PDE10A: variants seen among roughly 807,000 people sequenced by gnomAD.
PDE10A encodes the protein phosphodiesterase 10A, also known as cAMP and cAMP-inhibited cGMP 3',5'-cyclic phosphodiesterase 10A.
Under a neutral mutation model 97.7 loss-of-function variants are expected in PDE10A, and 39 were observed. The observed-to-expected ratio is 0.40, with a 90% CI of 0.31 to 0.52. The LOEUF (loss-of-function observed/expected upper bound fraction) is 0.52, where lower values mean the gene tolerates loss of function less well. Among genes scored for constraint, PDE10A ranks in the 20% least tolerant of loss-of-function variants. The pLI is 0.56. For missense variants in PDE10A, 731 were observed against 1,047.8 expected, an observed-to-expected ratio of 0.70 and a Z score of 4.17; for synonymous variants, 371 against 376.8, an observed-to-expected ratio of 0.98 and a Z score of 0.18.
chr6:165,427,483 G>A (rs747628403), intron 10 of PDE10A, among the ~76,000 whole-genome samples: 3 of 152,032 alleles, frequency 2.0e-5, no homozygotes, highest in South Asian at 2.1e-4. Flanking sequence ...AAATAGGGGC[G>A]TAAGGAAGTG....
At chr6:165,435,530 A>G (rs1789948656) in intron 5 of PDE10A, among the ~76,000 whole-genome samples, 153 bp from the exon 6 acceptor site, 1 of 152,240 alleles carries the variant, frequency 6.6e-6, no homozygotes, top group Non-Finnish European at 1.5e-5. Context: ...ATCAAACCAG[A>G]TTACCTAAAG....
intron 1 of PDE10A, among the ~76,000 whole-genome samples, chr6:165,598,487 T>C (rs1214552796): frequency 6.6e-6 from 1 of 152,018 alleles, no homozygotes; most frequent in Non-Finnish European, 1.5e-5. Context: ...AAAATGGGAG[T>C]TCATACCTTC....
chr6:165,943,149 G>A (rs779493951), intron 1 of PDE10A, among the ~76,000 whole-genome samples: 4 of 135,080 alleles, frequency 3.0e-5, no homozygotes, highest in Non-Finnish European at 6.2e-5. Flanking sequence ...AGAGGAGAGA[G>A]AGAGAGAGAG....
At position 165,535,145 on chromosome 6, in the gene PDE10A, G is replaced by A. The variant is rs184919265; in HGVS notation, c.994+8295C>T. Among the ~76,000 whole-genome samples the A allele has an allele frequency of 2.6e-3, 387 of 151,722 alleles. 1 individual carries two copies. The highest frequency in any genetic ancestry group is 3.7e-3 in the Non-Finnish European group (254 of 67,764). The stretch of plus-strand genomic sequence containing the variant: ...ATAATCTGTAGCATTTCTATATGTC[G>A]AAAGCAAACAATCTAAAAATGAAAT... On this transcript the variant is annotated intron_variant, in intron 2 of 21. Transcript: ENST00000539869.
chr6:165,675,153 C>T (rs1790759347), intron 1 of PDE10A, among the ~76,000 whole-genome samples: 1 of 152,202 alleles, frequency 6.6e-6, no homozygotes, highest in Admixed American at 6.5e-5. Flanking sequence ...AGTCTGGCTA[C>T]ATTTACAATG....
At chr6:165,872,064 T>C (rs1366406712) in intron 1 of PDE10A, among the ~76,000 whole-genome samples, 4 of 152,142 alleles carry the variant, frequency 2.6e-5, no homozygotes, top group Non-Finnish European at 4.4e-5. Flanking sequence ...TTCAATTGGA[T>C]GCATTTTTGC....
At chr6:165,712,131 T>C (rs9459489) in intron 1 of PDE10A, among the ~76,000 whole-genome samples, 90,286 of 151,712 alleles carry the variant, frequency 0.6, 27,113 homozygotes, top group South Asian at 0.71. Flanking sequence ...GGCTCCACCG[T>C]AGTGGTGTGG....
intron 2 of PDE10A, among the ~76,000 whole-genome samples, chr6:165,537,120 C>G (rs1008443694): frequency 6.6e-6 from 1 of 151,790 alleles, no homozygotes; most frequent in African/African-American, 2.4e-5. Context: ...ATGAAAAATA[C>G]AACCCTATCA....
At chr6:165,895,157 C>T (rs1219155043) in intron 1 of PDE10A, among the ~76,000 whole-genome samples, 1 of 151,254 alleles carries the variant, frequency 6.6e-6, no homozygotes, top group Non-Finnish European at 1.5e-5. Flanking sequence ...ATATGTTAAA[C>T]TCCTAACTGC....
rs1367126743 is a variant in PDE10A, at chr6:165,418,110, T to G, written c.1796+525A>C. Among the ~76,000 whole-genome samples the G allele has an allele frequency of 6.6e-6, 1 of 152,118 alleles. No homozygotes were observed. The highest frequency in any genetic ancestry group is 6.6e-5 in the Admixed American group (1 of 15,256). ...TCATTTAAGTGACAACGGCTGCCAC[T>G]TAAAAAAACAAAGACTTCAGTTTCA... On this transcript the variant is annotated intron_variant, in intron 11 of 21. Transcript: ENST00000539869. The surrounding 1 kb of genome is among the most constrained non-coding windows in gnomAD (Gnocchi z 4.8).
At position 165,388,192 on chromosome 6, in the gene PDE10A, G is replaced by A. The variant is rs1785436574; in HGVS notation, c.2610+106C>T. ...TAAGGTTCTACAATAAAAAGTAGCTGTTGCTTTTAAGGAAGCCATAATGAT... is the reference window on the plus strand; with the variant it reads ...TAAGGTTCTACAATAAAAAGTAGCTATTGCTTTTAAGGAAGCCATAATGAT... On this transcript the variant is annotated intron_variant, in intron 17 of 21. Transcript: ENST00000539869. This position sits in a 1 kb window ranked among gnomAD's most constrained non-coding sequence, Gnocchi z 4.0. The A allele has an allele frequency of 4.3e-6, 4 of 938,570 alleles. No individual in the cohort carries two copies. Among genetic ancestry groups the A allele is most frequent in the Non-Finnish European group, 4.9e-6 (3 of 609,588 alleles). The allele number at this position is 938,570 out of a possible 1,614,324, so 58.1% of individuals were successfully genotyped here. A position where few individuals can be genotyped will look rare whatever the true frequency, so the allele number is the denominator to read the frequency against.
chr6:165,428,296 G>A (rs797008156), intron 10 of PDE10A, among the ~76,000 whole-genome samples: 12 of 152,084 alleles, frequency 7.9e-5, no homozygotes, highest in African/African-American at 2.4e-4. Context: ...CTAGGAGAGA[G>A]GAATAATTAA....
chr6:165,433,996 G>A (rs866439373), intron 6 of PDE10A, among the ~76,000 whole-genome samples: 18 of 118,330 alleles, frequency 1.5e-4, no homozygotes, highest in Non-Finnish European at 2.4e-4. Flanking sequence ...CAGCCTGGGC[G>A]ACACAGCGAG....
intron 1 of PDE10A, among the ~76,000 whole-genome samples, chr6:165,826,189 C>T (rs1280478310): frequency 6.6e-6 from 1 of 152,168 alleles, no homozygotes; most frequent in Non-Finnish European, 1.5e-5. Flanking sequence ...TTTTATTTTC[C>T]TCAATAAATC....
chr6:165,657,268 T>G (rs985149532), intron 1 of PDE10A, among the ~76,000 whole-genome samples: 2 of 152,270 alleles, frequency 1.3e-5, no homozygotes, highest in Non-Finnish European at 2.9e-5. Context: ...GGATACCTTC[T>G]GATTTCCTTG....
intron 15 of PDE10A, among the ~76,000 whole-genome samples, chr6:165,393,302 T>C (rs1464439727): frequency 6.6e-6 from 1 of 152,052 alleles, no homozygotes; most frequent in Non-Finnish European, 1.5e-5. Context: ...TATTACACAC[T>C]CAAATTATTA....
intron 10 of PDE10A, among the ~76,000 whole-genome samples, chr6:165,422,309 A>T (rs1788757145): frequency 6.8e-6 from 1 of 147,700 alleles, no homozygotes; most frequent in Admixed American, 6.7e-5. Flanking sequence ...ACGCATACAC[A>T]CATACGCATA....
At chr6:165,647,918 A>G (rs1042926460) in intron 1 of PDE10A, among the ~76,000 whole-genome samples, 4 of 152,264 alleles carry the variant, frequency 2.6e-5, no homozygotes, top group African/African-American at 9.6e-5. Context: ...GTAGCAAAAG[A>G]AACAACTACA....
At chr6:165,707,004 G>GAATGC (rs1263332811) in intron 1 of PDE10A, among the ~76,000 whole-genome samples, 2 of 152,198 alleles carry the variant, frequency 1.3e-5, no homozygotes, top group Non-Finnish European at 2.9e-5. Context: ...GCCTGTCTAA[G>GAATGC]AATGCTAGCA....
Sources: allele counts gnomAD v4.1 joint callset (sites outside exome capture counted in the v4.1 genomes callset), GRCh38; gene constraint gnomAD v4.1.1; non-coding constraint Gnocchi (gnomAD v3.1); transcripts MANE v1.5; gene names NCBI Gene and HGNC (gene_info 2026-07-23, HGNC 2026-07-21).